Variants in PIP5KL1 observed in about 807,000 individuals in gnomAD.
The protein encoded by PIP5KL1 is phosphatidylinositol-4-phosphate 5-kinase like 1, also known as phosphatidylinositol 4-phosphate 5-kinase-like protein 1.
PIP5KL1 carries 45 observed loss-of-function variants against 47.6 expected under a neutral mutation model. The observed-to-expected ratio is 0.94, with a 90% CI of 0.74 to 1.21. PIP5KL1 has a LOEUF of 1.21. Among genes scored for constraint, PIP5KL1 ranks in the 50% most tolerant of loss-of-function variants. The pLI, the probability that PIP5KL1 is intolerant of heterozygous loss-of-function variation, is 0.00. For missense variants in PIP5KL1, 577 were observed against 547.6 expected (o/e 1.05, Z -0.54); for synonymous variants, 256 against 234.6 (o/e 1.09, Z -0.84).
intron 3 of PIP5KL1, 43 bp downstream of exon 3, chr9:127,928,390 G>A (rs761334381): frequency 6.4e-7 from 1 of 1,573,470 alleles, no homozygotes; most frequent in East Asian, 2.3e-5. Context: ...GAGAGAGCAA[G>A]ACCAGCACAC....
In PIP5KL1 at chr9:127,929,623, A is replaced by G; in HGVS notation, c.228+65T>C. 7.0e-7 allele frequency: 1 copy of G among 1,427,196 alleles called. No homozygotes were observed. Among genetic ancestry groups the G allele is most frequent in the South Asian group, 1.4e-5 (1 of 70,860 alleles). 88.4% of individuals were successfully genotyped at this position (1,427,196 alleles called of 1,614,324 possible). On this transcript the variant is annotated intron_variant, in intron 2 of 9. Transcript: ENST00000388747. The surrounding 1 kb of genome is among the most constrained non-coding windows in gnomAD (Gnocchi z 4.0). ...TCCCCACACCTGCAGTTTCAGCCAGACAGGGCATCAGCCAAGTCTTGCCAT... is the reference window on the plus strand; with the variant it reads ...TCCCCACACCTGCAGTTTCAGCCAGGCAGGGCATCAGCCAAGTCTTGCCAT...
intron 1 of PIP5KL1, among the ~76,000 whole-genome samples, chr9:127,930,375 C>T (rs535243427): frequency 6.6e-6 from 1 of 152,314 alleles, no homozygotes; most frequent in East Asian, 1.9e-4. Context: ...CAGGCCAGCA[C>T]GGAGGGGCCA....
chr9:127,927,310 TC>T lies in PIP5KL1; in HGVS notation c.580del (p.Asp194ThrfsTer32), dbSNP rs1199733241. 1 of 1,610,520 alleles carries T rather than the reference TC, an allele frequency of 6.2e-7. No individual in the cohort carries two copies. Among genetic ancestry groups the T allele is most frequent in the Non-Finnish European group, 8.5e-7 (1 of 1,179,248 alleles). ...RLLGVHSLRVDRGKKTYFIVM... is the reference protein window; with the variant it reads ...RLLGVHSLRVXRGKKTYFIVM... ...GGCTTCACCCACCTTCTTTCCCCGG[TC>T]CACCCGCAGACTGTGCACTCCTGGA... On this transcript the variant is annotated frameshift_variant, in exon 6 of 10. Coordinates refer to ENST00000388747, the MANE Select transcript of PIP5KL1 (RefSeq NM_001135219.2). LOFTEE classifies it high-confidence loss of function. This position sits in a 1 kb window ranked among gnomAD's most constrained non-coding sequence, Gnocchi z 5.5.
In PIP5KL1 at chr9:127,927,129, C is replaced by A. The variant is rs201861461; in HGVS notation, c.650+24G>T. 167 of 1,591,178 alleles carry A rather than the reference C, an allele frequency of 1.0e-4. No individual in the cohort carries two copies. Among genetic ancestry groups the A allele is most frequent in the Non-Finnish European group, 1.4e-4 (163 of 1,165,100 alleles). ...CCGCGAGTTTCGGCTGGGATGGGGG[C>A]CCAAACCTGCTTAGGCCACTCACCT... On this transcript the variant is annotated intron_variant, in intron 7 of 9. Coordinates refer to ENST00000388747, the MANE Select transcript of PIP5KL1 (RefSeq NM_001135219.2). This position sits in a 1 kb window ranked among gnomAD's most constrained non-coding sequence, Gnocchi z 5.5.
At chr9:127,925,688 A>G in intron 8 of PIP5KL1, 179 bp downstream of exon 8, 1 of 603,788 alleles carries the variant, frequency 1.7e-6, no homozygotes, top group Admixed American at 2.7e-5. Flanking sequence ...CTGGTCTTGA[A>G]CTCCTGACCT....
chr9:127,928,434 T>C lies in PIP5KL1; in HGVS notation c.278A>G (p.Glu93Gly). ...CACACGGGAGTCTGGGCCTCCTACC[T>C]CGTGAACCTGGGTTAGGACCTCCGA... Reference protein sequence around the residue: ...DFSEVLTQVHEGFELGTLAGP... With the variant: ...DFSEVLTQVHGGFELGTLAGP... The change falls in exon 3 of 10, where the codon GAG (glutamate) becomes GGG (glycine). Residue 93 changes from glutamate (E) to glycine (G), a missense_variant and splice_region_variant. By Grantham distance (98) the Glu-to-Gly change is moderately conservative (BLOSUM62 -2). Coordinates refer to ENST00000388747, the MANE Select transcript of PIP5KL1 (RefSeq NM_001135219.2). 1 of 1,599,502 alleles carries C rather than the reference T, an allele frequency of 6.3e-7. No individual in the cohort carries two copies. The highest frequency in any genetic ancestry group is 8.5e-7 in the Non-Finnish European group (1 of 1,174,456).
At position 127,929,893 on chromosome 9, in the gene PIP5KL1, G is replaced by A. The variant is rs1831414465; in HGVS notation, c.31-8C>T. 6.6e-7 allele frequency: 1 copy of A among 1,520,204 alleles called. No individual in the cohort carries two copies. The highest frequency in any genetic ancestry group is 8.8e-7 in the Non-Finnish European group (1 of 1,132,478). 94.2% of individuals were successfully genotyped at this position (1,520,204 alleles called of 1,614,324 possible). On this transcript the variant is annotated splice_region_variant and splice_polypyrimidine_tract_variant and intron_variant, in intron 1 of 9. Coordinates refer to ENST00000388747, the MANE Select transcript of PIP5KL1 (RefSeq NM_001135219.2). The surrounding 1 kb of genome is among the most constrained non-coding windows in gnomAD (Gnocchi z 4.0). ...AGGGGAGGGGGCCAGGACCTGGTGG[G>A]AGGAGGCACAGGACACAGCCTGTGG...
At chr9:127,924,821 T>C (rs148224957) in intron 9 of PIP5KL1, among the ~76,000 whole-genome samples, 101 of 152,154 alleles carry the variant, frequency 6.6e-4, no homozygotes, top group Admixed American at 3.5e-3. Context: ...CCTGCTGCAG[T>C]CCACCTGTGC....
In PIP5KL1 at chr9:127,921,768, G is replaced by C; in HGVS notation, c.*79C>G. 1 of 1,471,270 alleles carries C rather than the reference G, an allele frequency of 6.8e-7. No individual in the cohort carries two copies. The highest frequency in any genetic ancestry group is 9.0e-7 in the Non-Finnish European group (1 of 1,110,322). 91.1% of individuals were successfully genotyped at this position (1,471,270 alleles called of 1,614,324 possible). On this transcript the variant is annotated 3_prime_UTR_variant, in exon 10 of 10. Transcript: ENST00000388747. ...GCGACCATCAGGAGGAAGCGCAGGC[G>C]AGATGCCCGGGCCCGGGGGAACCGG...
Position 127,930,739 on chromosome 9 carries a change from C to T in PIP5KL1, c.14G>A (p.Ser5Asn). 1.9e-6 allele frequency: 3 copies of T among 1,563,646 alleles called. No individual in the cohort carries two copies. Among genetic ancestry groups the T allele is most frequent in the Non-Finnish European group, 2.6e-6 (3 of 1,159,006 alleles). Residue 5 changes from serine to asparagine, a missense_variant, in exon 1 of 10, where the codon AGC becomes AAC. Ser to Asn is a conservative substitution (Grantham distance 46, BLOSUM62 1). Transcript: ENST00000388747. ...CGCACCTACCTCGCGGGGCCCCGGG[C>T]TCGGCGCAGCCATCGCCCCCGCAGC... The part of the protein sequence containing the change: MAAP[S>N]PGPREVLAPS...
rs1831407944 is a variant in PIP5KL1 at position 127,929,438 on chromosome 9, G to A, written c.228+250C>T. On this transcript the variant is annotated intron_variant, in intron 2 of 9. Coordinates refer to ENST00000388747, the MANE Select transcript of PIP5KL1 (RefSeq NM_001135219.2). The surrounding 1 kb of genome is among the most constrained non-coding windows in gnomAD (Gnocchi z 4.0). The stretch of plus-strand genomic sequence containing the variant: ...AATCTCCCCCCATTATACAGATGGG[G>A]ACACTGAGGCCCAGAGAGAGGCAGA... 3.9e-5 allele frequency among the ~76,000 whole-genome samples: 6 copies of A among 152,064 alleles called. No individual in the cohort carries two copies.
rs1189882564 is a variant in PIP5KL1, at chr9:127,922,049, G to A, written c.983C>T (p.Ala328Val). 3 of 1,566,794 alleles carry A rather than the reference G, an allele frequency of 1.9e-6. No individual in the cohort carries two copies. Among genetic ancestry groups the A allele is most frequent in the South Asian group, 2.3e-5 (2 of 85,860 alleles). Reference sequence around the variant, plus strand: ...GTCCAGGATGTGTAGGGCGTTGGGGGCGTCGGGCAGCAGCCGGCGGTTTTG... The same window carrying A: ...GTCCAGGATGTGTAGGGCGTTGGGGACGTCGGGCAGCAGCCGGCGGTTTTG... ...RAQNRRLLPD[A>V]PNALHILDGP... Residue 328 changes from alanine to valine, a missense_variant, in exon 10 of 10, where the codon GCC (alanine) becomes GTC (valine). Transcript: ENST00000388747.
intron 7 of PIP5KL1, among the ~76,000 whole-genome samples, 159 bp from the exon 8 acceptor site, chr9:127,926,138 T>TTCTCTCTTTTCTTTCTTTCTC (rs904044536): frequency 2.6e-5 from 4 of 151,814 alleles, no homozygotes; most frequent in Non-Finnish European, 5.9e-5. Context: ...CTTTCTTTCT[T>TTCTCTCTTTTCTTTCTTTCTC]TCTCTCTTTT....
chr9:127,927,734 C>A lies in PIP5KL1; in HGVS notation c.473G>T (p.Arg158Leu). ...QRFFLKTQGRREVQALLAHLP... is the reference protein window; with the variant it reads ...QRFFLKTQGRLEVQALLAHLP... ...GTGGGCGAGCAGAGCCTGCACCTCT[C>A]GGCGCCCCTGGGTCTTCAGGAAGAA... The change falls in exon 5 of 10, where the codon CGA becomes CTA. Residue 158 changes from arginine (R) to leucine (L), a missense_variant. Arg to Leu is a moderately radical substitution (Grantham distance 102, BLOSUM62 -2). Coordinates refer to ENST00000388747, the MANE Select transcript of PIP5KL1 (RefSeq NM_001135219.2). This position sits in a 1 kb window ranked among gnomAD's most constrained non-coding sequence, Gnocchi z 5.5. 6.4e-7 allele frequency: 1 copy of A among 1,555,938 alleles called. No individual in the cohort carries two copies. The highest frequency in any genetic ancestry group is 2.4e-5 in the East Asian group (1 of 41,540).
rs187371272 is a variant in PIP5KL1 at position 127,929,067 on chromosome 9, T to C, written c.229-584A>G. The stretch of plus-strand genomic sequence containing the variant: ...CTGGATCTGGAGGTCATGCTGAGTA[T>C]TGGGGAGCCATGGAAGCTTTTCAGC... On this transcript the variant is annotated intron_variant, in intron 2 of 9. Transcript: ENST00000388747. This position sits in a 1 kb window ranked among gnomAD's most constrained non-coding sequence, Gnocchi z 4.0. Among the ~76,000 whole-genome samples the C allele has an allele frequency of 1.3e-3, 192 of 152,286 alleles. 1 individual carries two copies. The highest frequency in any genetic ancestry group is 0.01 in the Middle Eastern group (3 of 294).
chr9:127,921,534 T>G lies in PIP5KL1; in HGVS notation c.*313A>C. 1 of 301,056 alleles carries G rather than the reference T, an allele frequency of 3.3e-6. No individual in the cohort carries two copies. Among genetic ancestry groups the G allele is most frequent in the South Asian group, 5.5e-5 (1 of 18,304 alleles). The allele number at this position is 301,056 out of a possible 1,614,324, so 18.6% of individuals were successfully genotyped here. On this transcript the variant is annotated 3_prime_UTR_variant, in exon 10 of 10. Coordinates refer to ENST00000388747, the MANE Select transcript of PIP5KL1 (RefSeq NM_001135219.2). Reference sequence around the variant, plus strand: ...CCGGAATCCAAAAGCCATGGTTGAGTCCTGGTTCCAGCATTTATTGCTGAA... The same window carrying G: ...CCGGAATCCAAAAGCCATGGTTGAGGCCTGGTTCCAGCATTTATTGCTGAA...
chr9:127,922,703 AAAAAAAAAG>A (rs1358147881), intron 9 of PIP5KL1, among the ~76,000 whole-genome samples: 7 of 150,882 alleles, frequency 4.6e-5, no homozygotes, highest in East Asian at 3.9e-4. Context: ...TCAAAAAAAA[AAAAAAAAAG>A]AAAAAAGAAA....
chr9:127,921,647 C>T lies in PIP5KL1; in HGVS notation c.*200G>A. The T allele has an allele frequency of 1.4e-6, 1 of 690,280 alleles. No individual in the cohort carries two copies. The highest frequency in any genetic ancestry group is 2.4e-6 in the Non-Finnish European group (1 of 425,270). The allele number at this position is 690,280 out of a possible 1,614,324, so 42.8% of individuals were successfully genotyped here. On this transcript the variant is annotated 3_prime_UTR_variant, in exon 10 of 10. Transcript: ENST00000388747. ...TAGCATTTTTTGAGGATTAAATGAG[C>T]TAAAGTAGGGGAGTCCTTGGCACGA...
chr9:127,926,163 CTCT>C (rs752546371), intron 7 of PIP5KL1, among the ~76,000 whole-genome samples, 184 bp from the exon 8 acceptor site: 6 of 151,584 alleles, frequency 4.0e-5, no homozygotes, highest in Non-Finnish European at 7.4e-5. Context: ...CTTTCTCTCT[CTCT>C]TTTCTTTCTT....
Sources: allele counts gnomAD v4.1 joint callset (sites outside exome capture counted in the v4.1 genomes callset), GRCh38; gene constraint gnomAD v4.1.1; non-coding constraint Gnocchi (gnomAD v3.1); transcripts MANE v1.5; gene names NCBI Gene and HGNC (gene_info 2026-07-23, HGNC 2026-07-21).